Variants in RNF220 observed in about 807,000 individuals in gnomAD.
RNF220 encodes the protein E3 ubiquitin-protein ligase RNF220.
A neutral mutation model predicts 67.1 loss-of-function variants in RNF220; 7 were observed. The observed-to-expected ratio is 0.10, with a 90% CI of 0.06 to 0.20. The LOEUF is 0.20. Among genes scored for constraint, RNF220 ranks in the 10% least tolerant of loss-of-function variants. RNF220 has a pLI of 1.00. For synonymous variants in RNF220, 270 were observed against 283.2 expected (o/e 0.95, Z 0.47); for missense variants, 565 against 740.3 (o/e 0.76, Z 2.75).
At chr1:44,569,410 A>G (rs531290163) in intron 2 of RNF220, among the ~76,000 whole-genome samples, 1 of 152,274 alleles carries the variant, frequency 6.6e-6, no homozygotes, top group East Asian at 1.9e-4. Context: ...TTTTCATCAC[A>G]TTTGTTATAG....
At chr1:44,540,110 A>G (rs1346955339) in intron 2 of RNF220, among the ~76,000 whole-genome samples, 2 of 152,158 alleles carry the variant, frequency 1.3e-5, no homozygotes, top group African/African-American at 2.4e-5. Flanking sequence ...TGAACTTTGA[A>G]GAATGCTCCC....
intron 2 of RNF220, among the ~76,000 whole-genome samples, chr1:44,541,237 G>A (rs1020632018): frequency 1.3e-5 from 2 of 152,090 alleles, no homozygotes. Flanking sequence ...AGACCATCCT[G>A]GCCAACATGG....
At chr1:44,616,644 G>GAA (rs113590364) in intron 3 of RNF220, among the ~76,000 whole-genome samples, 7 of 151,332 alleles carry the variant, frequency 4.6e-5, no homozygotes, top group African/African-American at 1.7e-4. Flanking sequence ...CAGAAAGTGG[G>GAA]AAAAAAAAAT....
chr1:44,625,989 G>A (rs185994573), intron 4 of RNF220, among the ~76,000 whole-genome samples: 9 of 152,158 alleles, frequency 5.9e-5, no homozygotes, highest in Admixed American at 3.3e-4. Flanking sequence ...GCTCTCCAAG[G>A]GAAAACAAAA....
At position 44,411,961 on chromosome 1, in the gene RNF220, T is replaced by C; in HGVS notation, c.-117-20T>C. ...CTGACTTTCCTCCCCCTTCTTTTTTTCTCTTTGCTGTTTCTACAGGTCTTA... is the reference window on the plus strand; with the variant it reads ...CTGACTTTCCTCCCCCTTCTTTTTTCCTCTTTGCTGTTTCTACAGGTCTTA... On this transcript the variant is annotated intron_variant, in intron 1 of 14. Transcript: ENST00000361799. The C allele has an allele frequency of 3.0e-6, 3 of 984,926 alleles. No homozygotes were observed. The highest frequency in any genetic ancestry group is 1.5e-6 in the Non-Finnish European group (1 of 683,628). 61.0% of individuals were successfully genotyped at this position (984,926 alleles called of 1,614,324 possible).
intron 2 of RNF220, among the ~76,000 whole-genome samples, chr1:44,518,413 AGT>A (rs1487804985): frequency 6.6e-6 from 1 of 152,148 alleles, no homozygotes. Context: ...TGGGTGACAG[AGT>A]GAGATCCTGT....
intron 2 of RNF220, among the ~76,000 whole-genome samples, chr1:44,481,739 AAG>A (rs1655832263): frequency 6.6e-6 from 1 of 152,250 alleles, no homozygotes; most frequent in East Asian, 1.9e-4. Flanking sequence ...ATGTGGAATC[AAG>A]AGAGAGAACT....
chr1:44,649,790 G>A lies in RNF220; in HGVS notation c.1554+21G>A, dbSNP rs374711250. 62 of 1,613,670 alleles carry A rather than the reference G, an allele frequency of 3.8e-5. 1 individual carries two copies. The Middle Eastern group carries it at 1.2e-3, about 30-fold the overall frequency. ...GCATGGTGAGTAGAAAAGAACCTAG[G>A]GGTGCCCTTGGTCAGGCTTCCACGC... On this transcript the variant is annotated intron_variant, in intron 13 of 14. Transcript: ENST00000361799. This position sits in a 1 kb window ranked among gnomAD's most constrained non-coding sequence, Gnocchi z 5.9.
intron 2 of RNF220, among the ~76,000 whole-genome samples, chr1:44,520,809 G>A (rs984246071): frequency 6.6e-6 from 1 of 152,210 alleles, no homozygotes; most frequent in Admixed American, 6.5e-5. Flanking sequence ...CCCGACATCA[G>A]GTATTGTTCA....
In RNF220 at chr1:44,634,790, C is replaced by A. The variant is rs538674549; in HGVS notation, c.950-755C>A. Among the ~76,000 whole-genome samples, 4 of 152,144 alleles carry A rather than the reference C, an allele frequency of 2.6e-5. No individual in the cohort carries two copies. The South Asian group carries it at 8.3e-4, about 32-fold the overall frequency. ...TGCAGTGTGCACTTTGGAACTGAGC[C>A]CCCTGTGGGACAACATGGCAGGCAG... On this transcript the variant is annotated intron_variant, in intron 6 of 14. Transcript: ENST00000361799.
At chr1:44,468,171 G>T (rs968970021) in intron 2 of RNF220, among the ~76,000 whole-genome samples, 1 of 108,358 alleles carries the variant, frequency 9.2e-6, no homozygotes, top group Non-Finnish European at 2.1e-5. Flanking sequence ...TCAACACAGG[G>T]TTGCCACAAA....
At chr1:44,441,591 G>T (rs1384951655) in intron 2 of RNF220, among the ~76,000 whole-genome samples, 1 of 152,224 alleles carries the variant, frequency 6.6e-6, no homozygotes, top group African/African-American at 2.4e-5. Context: ...AATGGATGAG[G>T]AGGGAGATAC....
chr1:44,589,848 A>G (rs578196131), intron 2 of RNF220, among the ~76,000 whole-genome samples: 1 of 152,326 alleles, frequency 6.6e-6, no homozygotes, highest in African/African-American at 2.4e-5. Flanking sequence ...TACAAAGAAT[A>G]TGATGATTCC....
At chr1:44,480,704 G>A (rs1655721667) in intron 2 of RNF220, among the ~76,000 whole-genome samples, 2 of 152,000 alleles carry the variant, frequency 1.3e-5, no homozygotes, top group African/African-American at 4.8e-5. Context: ...TGGCCAACAT[G>A]GTGAAACCCT....
Position 44,645,606 on chromosome 1 carries a change from G to GCA in RNF220, c.1445+119_1445+120insAC. The GCA allele has an allele frequency of 8.2e-6, 8 of 979,776 alleles. No homozygotes were observed. Among genetic ancestry groups the GCA allele is most frequent in the Non-Finnish European group, 1.2e-5 (8 of 643,716 alleles). 60.7% of individuals were successfully genotyped at this position (979,776 alleles called of 1,614,324 possible). On this transcript the variant is annotated intron_variant, in intron 12 of 14. Transcript: ENST00000361799. This position sits in a 1 kb window ranked among gnomAD's most constrained non-coding sequence, Gnocchi z 5.0. ...GCCCTCCCAAGTGCAGCTCAGTGCTGCTGCCCTGGGCACACGGCCGGCAGT... is the reference window on the plus strand; with the variant it reads ...GCCCTCCCAAGTGCAGCTCAGTGCTGCACTGCCCTGGGCACACGGCCGGCAGT...
At chr1:44,551,878 A>G (rs1286193676) in intron 2 of RNF220, among the ~76,000 whole-genome samples, 3 of 152,088 alleles carry the variant, frequency 2.0e-5, no homozygotes, top group Admixed American at 6.6e-5. Context: ...CCATTCCCAC[A>G]AGCTATGCTT....
intron 2 of RNF220, among the ~76,000 whole-genome samples, chr1:44,553,417 A>G (rs1022505477): frequency 4.6e-5 from 7 of 151,768 alleles, no homozygotes; most frequent in African/African-American, 9.7e-5. Context: ...TGAATGCTTC[A>G]TGGCATCCAG....
intron 2 of RNF220, among the ~76,000 whole-genome samples, chr1:44,503,081 C>T (rs1453479843): frequency 6.6e-6 from 1 of 152,002 alleles, no homozygotes. Flanking sequence ...CACCTATAAT[C>T]CCAGCACTTT....
chr1:44,518,308 C>T (rs1302700350), intron 2 of RNF220, among the ~76,000 whole-genome samples: 1 of 151,958 alleles, frequency 6.6e-6, no homozygotes, highest in Non-Finnish European at 1.5e-5. Context: ...ACGTTTAGGC[C>T]CAGCTACTCA....
Sources: allele counts gnomAD v4.1 joint callset (sites outside exome capture counted in the v4.1 genomes callset), GRCh38; gene constraint gnomAD v4.1.1; non-coding constraint Gnocchi (gnomAD v3.1); transcripts MANE v1.5; gene names NCBI Gene and HGNC (gene_info 2026-07-23, HGNC 2026-07-21).